The following SLC35F1 variants were observed in gnomAD, a reference collection of about 807,000 sequenced individuals.
The protein encoded by SLC35F1 is solute carrier family 35 member F1, also known as chromosome 6 open reading frame 169.
A neutral mutation model predicts 48.7 loss-of-function variants in SLC35F1; 14 were observed. The ratio of observed to expected loss-of-function variants is 0.29; its 90% CI spans 0.19 to 0.45. The LOEUF is 0.45. Among genes scored for constraint, SLC35F1 ranks in the 20% least tolerant of loss-of-function variants. The probability of loss-of-function intolerance (pLI) is 1.00; values close to 1 mark genes in which losing one functional copy is unlikely to be tolerated. For synonymous variants in SLC35F1, 190 were observed against 202.2 expected (o/e 0.94, Z 0.51); for missense variants, 404 against 500.0 (o/e 0.81, Z 1.83).
intron 1 of SLC35F1, among the ~76,000 whole-genome samples, chr6:117,955,869 T>C (rs1776420990): frequency 1.3e-5 from 2 of 152,288 alleles, no homozygotes; most frequent in East Asian, 3.9e-4. Context: ...GGTAGTCTAA[T>C]GTAATAAAAA....
At position 117,910,244 on chromosome 6, in the gene SLC35F1, G is replaced by T. The variant is rs142087397; in HGVS notation, c.173+2345G>T. 5.6e-4 allele frequency among the ~76,000 whole-genome samples: 86 copies of T among 152,276 alleles called. No individual in the cohort carries two copies. In the East Asian group the frequency reaches 0.014, roughly 25 times the overall value. On this transcript the variant is annotated intron_variant, in intron 1 of 7. Transcript: ENST00000360388. Reference sequence around the variant, plus strand: ...GGCTCTAGGTAAAAGTGAGAGTATGGGGGAGAGTGAATTTTTGAGATTCTG... The same window carrying T: ...GGCTCTAGGTAAAAGTGAGAGTATGTGGGAGAGTGAATTTTTGAGATTCTG...
intron 1 of SLC35F1, among the ~76,000 whole-genome samples, chr6:117,929,376 GATCT>G (rs550436126): frequency 8.0e-5 from 12 of 150,910 alleles, no homozygotes; most frequent in Admixed American, 2.6e-4. Context: ...GTGTCAATAG[GATCT>G]ATCTATCTAT....
At chr6:118,191,516 A>T (rs559476206) in intron 2 of SLC35F1, among the ~76,000 whole-genome samples, 8 of 152,344 alleles carry the variant, frequency 5.3e-5, no homozygotes, top group Admixed American at 4.6e-4. Context: ...ATGGGTGTAC[A>T]GTTCCAAGAG....
At chr6:118,159,464 T>C (rs911057098) in intron 2 of SLC35F1, among the ~76,000 whole-genome samples, 1 of 152,136 alleles carries the variant, frequency 6.6e-6, no homozygotes, top group Non-Finnish European at 1.5e-5. Context: ...AAACAACTCA[T>C]ACAAAGTGAC....
At chr6:117,995,389 C>T (rs1420154886) in intron 1 of SLC35F1, among the ~76,000 whole-genome samples, 2 of 152,160 alleles carry the variant, frequency 1.3e-5, no homozygotes, top group East Asian at 3.8e-4. Context: ...GTATACCTGA[C>T]ACCTAGGACC....
chr6:118,197,370 T>TA (rs1037617232), intron 2 of SLC35F1, among the ~76,000 whole-genome samples: 2 of 152,126 alleles, frequency 1.3e-5, no homozygotes, highest in South Asian at 2.1e-4. Flanking sequence ...GTTTTTCTCT[T>TA]AAAAAAACTC....
chr6:118,196,959 C>T (rs1774810443), intron 2 of SLC35F1, among the ~76,000 whole-genome samples: 3 of 151,610 alleles, frequency 2.0e-5, no homozygotes, highest in Admixed American at 2.0e-4. Flanking sequence ...TCTTTTCCCC[C>T]ATTGTGTCTT....
chr6:118,110,336 C>A (rs2114381153), intron 1 of SLC35F1, among the ~76,000 whole-genome samples: 1 of 152,154 alleles, frequency 6.6e-6, no homozygotes, highest in East Asian at 1.9e-4. Flanking sequence ...GGAGCAGAGG[C>A]CCACAGCTAA....
chr6:117,999,648 A>G (rs1431335875), intron 1 of SLC35F1, among the ~76,000 whole-genome samples: 5 of 152,178 alleles, frequency 3.3e-5, no homozygotes, highest in Non-Finnish European at 5.9e-5. Flanking sequence ...CAGAAAATTA[A>G]TGAATCCAGG....
At chr6:118,124,259 A>G (rs1308839725) in intron 1 of SLC35F1, among the ~76,000 whole-genome samples, 4 of 152,284 alleles carry the variant, frequency 2.6e-5, no homozygotes, top group Admixed American at 2.0e-4. Flanking sequence ...ATGTTGGACT[A>G]TATGTCCCTT....
intron 1 of SLC35F1, among the ~76,000 whole-genome samples, chr6:118,111,856 G>A (rs1336044321): frequency 6.6e-6 from 1 of 152,194 alleles, no homozygotes; most frequent in Non-Finnish European, 1.5e-5. Flanking sequence ...TTGTGTCAGA[G>A]GCATTGGAAT....
chr6:118,160,270 A>G (rs561457494), intron 2 of SLC35F1, among the ~76,000 whole-genome samples: 1 of 152,326 alleles, frequency 6.6e-6, no homozygotes, highest in Non-Finnish European at 1.5e-5. Flanking sequence ...TGGTTCTGCA[A>G]GTTTTGCTTT....
intron 1 of SLC35F1, among the ~76,000 whole-genome samples, chr6:118,148,480 A>AT (rs767398048): frequency 6.8e-5 from 10 of 146,528 alleles, no homozygotes; most frequent in Non-Finnish European, 1.5e-4. Flanking sequence ...GCCGGTGGTA[A>AT]TGGTTATGTC....
chr6:118,204,470 C>A (rs1774909156), intron 2 of SLC35F1, among the ~76,000 whole-genome samples: 1 of 152,090 alleles, frequency 6.6e-6, no homozygotes, highest in Non-Finnish European at 1.5e-5. Context: ...GATAAAGGGA[C>A]AAATGAAGCA....
chr6:118,054,880 G>A (rs1436238598), intron 1 of SLC35F1, among the ~76,000 whole-genome samples: 4 of 152,046 alleles, frequency 2.6e-5, no homozygotes, highest in African/African-American at 7.2e-5. Context: ...TGGTTCAAGC[G>A]ATTCTCCTGC....
At chr6:118,127,323 G>A (rs1428395424) in intron 1 of SLC35F1, among the ~76,000 whole-genome samples, 1 of 152,132 alleles carries the variant, frequency 6.6e-6, no homozygotes, top group Non-Finnish European at 1.5e-5. Context: ...GCATCCCAGG[G>A]ATGAAGCCCA....
At chr6:117,986,153 A>C (rs1298278696) in intron 1 of SLC35F1, among the ~76,000 whole-genome samples, 2 of 152,168 alleles carry the variant, frequency 1.3e-5, no homozygotes, top group Non-Finnish European at 2.9e-5. Flanking sequence ...AGCTCACCAG[A>C]GACTAAACAG....
intron 1 of SLC35F1, among the ~76,000 whole-genome samples, chr6:118,070,874 G>GTA (rs1278841982): frequency 8.2e-5 from 9 of 110,040 alleles, no homozygotes; most frequent in African/African-American, 2.5e-4. Flanking sequence ...TATATACTAT[G>GTA]TATATATATA....
chr6:118,197,428 G>A (rs543534776), intron 2 of SLC35F1, among the ~76,000 whole-genome samples: 75 of 152,200 alleles, frequency 4.9e-4, no homozygotes, highest in African/African-American at 1.8e-3. Flanking sequence ...AATAAAATAA[G>A]GTTTTACCTT....
Sources: gnomAD v4.1 joint callset for allele counts (sites outside exome capture counted in the v4.1 genomes callset) on GRCh38, gnomAD v4.1.1 for gene constraint, MANE v1.5 for transcripts, NCBI Gene and HGNC (gene_info 2026-07-23, HGNC 2026-07-21) for gene names.